The following HECTD4 variants were observed in gnomAD, a reference collection of about 807,000 sequenced individuals.
HECTD4 encodes HECT domain E3 ubiquitin protein ligase 4, also known as probable E3 ubiquitin-protein ligase HECTD4.
A neutral mutation model predicts 471.5 loss-of-function variants in HECTD4; 114 were observed. The ratio of observed to expected loss-of-function variants is 0.24; its 90% CI spans 0.21 to 0.28. HECTD4 has a LOEUF of 0.28. HECTD4 is among the 10% of genes least tolerant of loss of function. HECTD4 has a pLI of 1.00. For synonymous variants in HECTD4, 2,012 were observed against 2,256.0 expected (o/e 0.89, Z 3.07); for missense variants, 3,866 against 5,651.5 (o/e 0.68, Z 10.13).
At chr12:112,172,975 G>T in intron 66 of HECTD4, 114 bp from the exon 67 acceptor site, 2 of 890,250 alleles carry the variant, frequency 2.2e-6, no homozygotes, top group South Asian at 1.5e-5. Flanking sequence ...TCAGAAGACG[G>T]CCTCGCCTTC....
rs756462733 is a variant in HECTD4, at chr12:112,171,351, C to T, written c.11786-88G>A. The stretch of plus-strand genomic sequence containing the variant: ...GGCAACACAGGCAACCCTATCACTG[C>T]GAACAGGATTGGTGGATTTTTTACC... On this transcript the variant is annotated intron_variant, in intron 67 of 75. Coordinates refer to ENST00000682272, the MANE Select transcript of HECTD4 (RefSeq NM_001388303.1). The T allele has an allele frequency of 6.5e-5, 99 of 1,526,240 alleles. 1 individual carries two copies. The East Asian group carries it at 1.9e-3, about 30-fold the overall frequency. 94.5% of individuals were successfully genotyped at this position (1,526,240 alleles called of 1,614,324 possible).
rs759519228 is a variant in HECTD4, at chr12:112,163,130, C to T, written c.13032G>A (p.Pro4344=). 14 of 1,613,886 alleles carry T rather than the reference C, an allele frequency of 8.7e-6. No individual in the cohort carries two copies. Among genetic ancestry groups the T allele is most frequent in the African/African-American group, 4.0e-5 (3 of 74,924 alleles). The change falls in exon 75 of 76, where the codon CCG becomes CCA. Residue 4344 remains proline, a synonymous_variant. Transcript: ENST00000682272. The surrounding 1 kb of genome is among the most constrained non-coding windows in gnomAD (Gnocchi z 8.2). ...CCCCATCTTTGCAGGGGCAGGTGAACGGGATGCGCTCCTGGTTGCAGGCAA... is the reference window on the plus strand; with the variant it reads ...CCCCATCTTTGCAGGGGCAGGTGAATGGGATGCGCTCCTGGTTGCAGGCAA... The part of the protein sequence containing the change: ...IKFACNQERI[P]FTCPCKDGGP...
chr12:112,251,241 C>A, intron 23 of HECTD4, 107 bp from the exon 24 acceptor site: 1 of 1,078,918 alleles, frequency 9.3e-7, no homozygotes. Flanking sequence ...TTCTACAGAG[C>A]AGCATCGAGT....
chr12:112,272,034 AATTTT>A (rs2034424240), intron 11 of HECTD4, among the ~76,000 whole-genome samples: 1 of 151,420 alleles, frequency 6.6e-6, no homozygotes. Context: ...TATTTTTTTT[AATTTT>A]ATCTTATTTT....
At position 112,226,410 on chromosome 12, in the gene HECTD4, T is replaced by C. The variant is rs557675376; in HGVS notation, c.6970+233A>G. Reference sequence around the variant, plus strand: ...TAGGAATGAAGAAAAGAAAACACTCTGACATGGTCCTAAAGTTAATTGAAA... The same window carrying C: ...TAGGAATGAAGAAAAGAAAACACTCCGACATGGTCCTAAAGTTAATTGAAA... On this transcript the variant is annotated intron_variant, in intron 44 of 75. Transcript: ENST00000682272. 1.8e-4 allele frequency: 69 copies of C among 374,878 alleles called. No homozygotes were observed. In the South Asian group the frequency reaches 3.5e-3, roughly 19 times the overall value. The allele number at this position is 374,878 out of a possible 1,614,324, so 23.2% of individuals were successfully genotyped here.
chr12:112,238,943 A>T, intron 34 of HECTD4, 109 bp downstream of exon 34: 1 of 1,052,816 alleles, frequency 9.5e-7, no homozygotes, highest in Non-Finnish European at 1.3e-6. Context: ...CCATCTGATC[A>T]TGTCATTTAA....
chr12:112,200,849 A>T, intron 54 of HECTD4, 51 bp from the exon 55 acceptor site: 1 of 1,560,736 alleles, frequency 6.4e-7, no homozygotes, highest in Non-Finnish European at 8.7e-7. Flanking sequence ...TTTGTTTTCC[A>T]TGTGTGCGTG....
rs1566089409 is a variant in HECTD4 at position 112,256,524 on chromosome 12, C to T, written c.3129-6G>A. 5.2e-6 allele frequency: 8 copies of T among 1,535,046 alleles called. No homozygotes were observed. The highest frequency in any genetic ancestry group is 1.7e-4 in the Middle Eastern group (1 of 5,740). On this transcript the variant is annotated splice_region_variant and splice_polypyrimidine_tract_variant and intron_variant, in intron 20 of 75. Transcript: ENST00000682272. ...CTTCCTTCTCTTCTAACATTCTAAA[C>T]AGAAAAAGAGAAAGTGATTTAGCTT...
intron 10 of HECTD4, 85 bp downstream of exon 10, chr12:112,274,762 T>A: frequency 1.3e-6 from 1 of 785,154 alleles, no homozygotes; most frequent in Non-Finnish European, 2.1e-6. Flanking sequence ...AAAACTAGAA[T>A]GCCACAGGGA....
intron 47 of HECTD4, 95 bp downstream of exon 47, chr12:112,216,678 T>G: frequency 2.1e-6 from 3 of 1,409,838 alleles, no homozygotes; most frequent in Non-Finnish European, 2.9e-6. Context: ...CAAACTCACT[T>G]GAAGACAGAA....
intron 61 of HECTD4, 138 bp from the exon 62 acceptor site, chr12:112,183,404 C>T (rs935906747): frequency 3.1e-5 from 21 of 685,576 alleles, no homozygotes. Flanking sequence ...CTCTGGTGAG[C>T]TGGACCTCCT....
intron 1 of HECTD4, among the ~76,000 whole-genome samples, chr12:112,347,451 A>G (rs1156685102): frequency 2.6e-5 from 4 of 152,200 alleles, no homozygotes; most frequent in Non-Finnish European, 5.9e-5. Flanking sequence ...CAGTGGTTGC[A>G]GTGAGCCAAG....
chr12:112,353,967 G>A (rs1282238511), intron 1 of HECTD4, among the ~76,000 whole-genome samples: 3 of 152,178 alleles, frequency 2.0e-5, no homozygotes, highest in East Asian at 1.9e-4. Context: ...CAGCTACTCA[G>A]GAGGCAGATG....
At chr12:112,266,106 T>G (rs894865685) in intron 14 of HECTD4, 123 bp from the exon 15 acceptor site, 1 of 648,692 alleles carries the variant, frequency 1.5e-6, no homozygotes, top group Non-Finnish European at 2.7e-6. Flanking sequence ...CATACGGACT[T>G]ATACAAATAA....
At position 112,314,619 on chromosome 12, in the gene HECTD4, T is replaced by C. The variant is rs962436361; in HGVS notation, c.696-73A>G. On this transcript the variant is annotated intron_variant, in intron 2 of 75. Transcript: ENST00000682272. ...ATAATTTAGGTCATTAATGCTAATT[T>C]AATTAACCACATGGAAAAGTTCCAA... 25 of 845,574 alleles carry C rather than the reference T, an allele frequency of 3.0e-5. No homozygotes were observed. In the South Asian group the frequency reaches 3.6e-4, roughly 12 times the overall value. 52.4% of individuals were successfully genotyped at this position (845,574 alleles called of 1,614,324 possible).
In HECTD4 at chr12:112,163,728, G is replaced by C; in HGVS notation, c.12711C>G (p.Asn4237Lys). The change falls in exon 74 of 76, where the codon AAC becomes AAG. Residue 4237 changes from asparagine to lysine, a missense_variant. Coordinates refer to ENST00000682272, the MANE Select transcript of HECTD4 (RefSeq NM_001388303.1). The surrounding 1 kb of genome is among the most constrained non-coding windows in gnomAD (Gnocchi z 8.2). ...RGRHILVAWE[N>K]KDIYAAAIRS... ...GGATGGCTGCCGCGTAGATGTCCTT[G>C]TTCTCCCACCTGCCCGGGTGAGGAG... 1 of 1,476,554 alleles carries C rather than the reference G, an allele frequency of 6.8e-7. No homozygotes were observed. Among genetic ancestry groups the C allele is most frequent in the Admixed American group, 2.4e-5 (1 of 41,246 alleles). 91.5% of individuals were successfully genotyped at this position (1,476,554 alleles called of 1,614,324 possible).
chr12:112,283,864 C>A (rs2135642753), intron 7 of HECTD4, among the ~76,000 whole-genome samples: 1 of 152,132 alleles, frequency 6.6e-6, no homozygotes, highest in Admixed American at 6.5e-5. Flanking sequence ...CTTGGTTATT[C>A]CCCAGAAAAA....
chr12:112,230,759 G>A lies in HECTD4; in HGVS notation c.6264C>T (p.Ile2088=), dbSNP rs546527019. ...CCATGAGCAAGCTATGTAGCAAGGCGATCACTTCTGCAGCCATGCTGTTTG... is the reference window on the plus strand; with the variant it reads ...CCATGAGCAAGCTATGTAGCAAGGCAATCACTTCTGCAGCCATGCTGTTTG... ...HVANSMAAEV[I]ALLHSLLMAP... is the part of the protein sequence containing the mutation. The change falls in exon 40 of 76, where the codon ATC becomes ATT. Residue 2088 remains isoleucine (I), a synonymous_variant. Coordinates refer to ENST00000682272, the MANE Select transcript of HECTD4 (RefSeq NM_001388303.1). 4.2e-5 allele frequency: 67 copies of A among 1,610,778 alleles called. 1 individual carries two copies. Among genetic ancestry groups the A allele is most frequent in the East Asian group, 2.2e-4 (10 of 44,800 alleles).
At chr12:112,379,876 A>G (rs946227343) in intron 1 of HECTD4, among the ~76,000 whole-genome samples, 6 of 151,862 alleles carry the variant, frequency 4.0e-5, no homozygotes, top group Non-Finnish European at 8.8e-5. Context: ...AATGTTTATC[A>G]CCCATACACA....
Sources: gnomAD v4.1 joint callset for allele counts (sites outside exome capture counted in the v4.1 genomes callset) on GRCh38, gnomAD v4.1.1 for gene constraint, Gnocchi (gnomAD v3.1) non-coding constraint, MANE v1.5 for transcripts, NCBI Gene and HGNC (gene_info 2026-07-23, HGNC 2026-07-21) for gene names.